CXXC5: variants seen among roughly 807,000 people sequenced by gnomAD.
CXXC5 encodes the protein CXXC-type zinc finger protein 5.
A neutral mutation model predicts 17.6 loss-of-function variants in CXXC5; 2 were observed. That is an observed-to-expected ratio of 0.11 (90% CI 0.05 to 0.36). The LOEUF (loss-of-function observed/expected upper bound fraction) is 0.36. Ranked by LOEUF, CXXC5 falls within the 10% of genes least tolerant of loss-of-function variation. The pLI is 1.00. For missense variants in CXXC5, 343 were observed against 458.3 expected (o/e 0.75, Z 2.30); for synonymous variants, 171 against 193.0 (o/e 0.89, Z 0.94).
chr5:139,664,782 G>A (rs1756008494), intron 1 of CXXC5, among the ~76,000 whole-genome samples: 1 of 152,156 alleles, frequency 6.6e-6, no homozygotes. Flanking sequence ...CTAGAGTTGG[G>A]CCAGCCTTCT....
intron 1 of CXXC5, among the ~76,000 whole-genome samples, chr5:139,677,939 A>G (rs889475367): frequency 6.6e-6 from 1 of 152,204 alleles, no homozygotes; most frequent in Non-Finnish European, 1.5e-5. Flanking sequence ...AGCTGGGAGG[A>G]GGGAGGGGGT....
intron 1 of CXXC5, among the ~76,000 whole-genome samples, chr5:139,675,895 C>T (rs973195479): frequency 6.6e-6 from 1 of 152,106 alleles, no homozygotes; most frequent in Non-Finnish European, 1.5e-5. Flanking sequence ...AGTGGCAACA[C>T]AGGTGGTGGG....
In CXXC5 at chr5:139,658,287, T is replaced by C. The variant is rs1755600438; in HGVS notation, c.-161+9442T>C. Among the ~76,000 whole-genome samples the C allele has an allele frequency of 6.6e-6, 1 of 152,188 alleles. No individual in the cohort carries two copies. Among genetic ancestry groups the C allele is most frequent in the Non-Finnish European group, 1.5e-5 (1 of 68,034 alleles). On this transcript the variant is annotated intron_variant, in intron 1 of 2. Transcript: ENST00000302517. The surrounding 1 kb of genome is among the most constrained non-coding windows in gnomAD (Gnocchi z 4.1). The stretch of plus-strand genomic sequence containing the variant: ...ATAGAATGCTTGGAATGGAGGCATT[T>C]TTCAAGTCAGGATTCTCGTTGGGAT...
At chr5:139,666,619 C>T (rs1581594551) in intron 1 of CXXC5, among the ~76,000 whole-genome samples, 1 of 152,234 alleles carries the variant, frequency 6.6e-6, no homozygotes, top group South Asian at 2.1e-4. Context: ...CGTGGGCGCT[C>T]CTGAGCTATG....
rs907969066 is a variant in CXXC5, at chr5:139,672,196, C to T, written c.-160-8168C>T. 3.9e-5 allele frequency among the ~76,000 whole-genome samples: 6 copies of T among 152,322 alleles called. No individual in the cohort carries two copies. In the East Asian group the frequency reaches 1.2e-3, roughly 29 times the overall value. On this transcript the variant is annotated intron_variant, in intron 1 of 2. Coordinates refer to ENST00000302517, the MANE Select transcript of CXXC5 (RefSeq NM_016463.9). ...GCAATGGCGTGATCTTGGCTCACTG[C>T]AACCTCTGCCTCCCAGGTTCAGGCA...
intron 1 of CXXC5, among the ~76,000 whole-genome samples, chr5:139,672,099 TTTTA>T (rs1040824794): frequency 2.0e-4 from 30 of 152,180 alleles, no homozygotes; most frequent in Non-Finnish European, 3.5e-4. Context: ...GTTTATTTTT[TTTTA>T]TTTATTTGTT....
At chr5:139,676,104 C>T (rs1242486488) in intron 1 of CXXC5, among the ~76,000 whole-genome samples, 1 of 151,440 alleles carries the variant, frequency 6.6e-6, no homozygotes, top group Admixed American at 6.6e-5. Flanking sequence ...CATTACCCCC[C>T]ACCTCCTCCT....
intron 1 of CXXC5, among the ~76,000 whole-genome samples, chr5:139,659,950 G>A (rs567194165): frequency 2.0e-5 from 3 of 152,216 alleles, no homozygotes; most frequent in African/African-American, 4.8e-5. Context: ...GCGGGTGCCC[G>A]CGCAGCCAAG....
In CXXC5 at chr5:139,680,979, G is replaced by A. The variant is rs780847835; in HGVS notation, c.456G>A (p.Thr152=). The change falls in exon 2 of 3, where the codon ACG becomes ACA. Residue 152 remains threonine, a synonymous_variant. Transcript: ENST00000302517. ...ASLLSKAERA[T]ELAAEGQLTL... is the part of the protein sequence containing the mutation. ...TGCTGAGCAAGGCAGAGCGGGCCAC[G>A]GAGCTGGCAGCCGAGGGACAGCTGA... The A allele has an allele frequency of 6.2e-6, 10 of 1,602,726 alleles. No individual in the cohort carries two copies. The highest frequency in any genetic ancestry group is 5.5e-5 in the South Asian group (5 of 91,082).
intron 2 of CXXC5, among the ~76,000 whole-genome samples, 179 bp downstream of exon 2, chr5:139,681,626 A>C (rs1320978252): frequency 6.6e-6 from 1 of 152,192 alleles, no homozygotes; most frequent in Non-Finnish European, 1.5e-5. Context: ...CAAAAGTCAG[A>C]GCCACATTCT....
At chr5:139,672,500 T>C (rs1480739109) in intron 1 of CXXC5, among the ~76,000 whole-genome samples, 2 of 152,222 alleles carry the variant, frequency 1.3e-5, no homozygotes, top group Non-Finnish European at 2.9e-5. Flanking sequence ...GTCTCACCTC[T>C]TCTACGGTTC....
rs762153955 is a variant in CXXC5 at position 139,682,937 on chromosome 5, G to A, written c.*30G>A. 5.7e-6 allele frequency: 9 copies of A among 1,565,624 alleles called. No individual in the cohort carries two copies. The highest frequency in any genetic ancestry group is 1.8e-5 in the Admixed American group (1 of 54,756). On this transcript the variant is annotated 3_prime_UTR_variant, in exon 3 of 3. Transcript: ENST00000302517. ...GGCGGAACCCAAAGCTGCCCTCTCC[G>A]TGCAATGTCACTGCTCGTGTGGTCT...
chr5:139,671,657 C>G (rs939752454), intron 1 of CXXC5, among the ~76,000 whole-genome samples: 1 of 152,230 alleles, frequency 6.6e-6, no homozygotes, highest in South Asian at 2.1e-4. Flanking sequence ...CCCAGCCTGC[C>G]CCGTCTGGCC....
chr5:139,672,558 C>T (rs1437105208), intron 1 of CXXC5, among the ~76,000 whole-genome samples: 4 of 152,216 alleles, frequency 2.6e-5, no homozygotes, highest in Non-Finnish European at 4.4e-5. Context: ...AAATCAGTTT[C>T]CTATCTGCAG....
At chr5:139,665,248 C>T (rs1756040418) in intron 1 of CXXC5, among the ~76,000 whole-genome samples, 1 of 152,272 alleles carries the variant, frequency 6.6e-6, no homozygotes, top group South Asian at 2.1e-4. Flanking sequence ...AATCTCAGCC[C>T]CTTTGGGAAA....
intron 1 of CXXC5, among the ~76,000 whole-genome samples, chr5:139,660,273 C>T (rs1755720535): frequency 6.6e-6 from 1 of 152,178 alleles, no homozygotes; most frequent in Non-Finnish European, 1.5e-5. Context: ...GAGTGTGGAG[C>T]CAGGCAGGAA....
At chr5:139,664,970 T>C (rs899737493) in intron 1 of CXXC5, among the ~76,000 whole-genome samples, 3 of 152,200 alleles carry the variant, frequency 2.0e-5, no homozygotes, top group African/African-American at 7.2e-5. Context: ...ACAGAACTGA[T>C]AGAGTGTGGT....
chr5:139,681,524 C>T lies in CXXC5; in HGVS notation c.924+77C>T, dbSNP rs73790943. 7.1e-3 allele frequency: 10,612 copies of T among 1,491,522 alleles called. 711 individuals carry two copies. The African/African-American group carries it at 0.13, about 19-fold the overall frequency. 92.4% of individuals were successfully genotyped at this position (1,491,522 alleles called of 1,614,324 possible). A position where few individuals can be genotyped will look rare whatever the true frequency, so the allele number is the denominator to read the frequency against. ...CCAAACCCACCCCCATCCCCTGACC[C>T]CACTTTTCCTACCTGGGCAAGTGTC... On this transcript the variant is annotated intron_variant, in intron 2 of 2. Coordinates refer to ENST00000302517, the MANE Select transcript of CXXC5 (RefSeq NM_016463.9).
At chr5:139,652,163 C>CGCGCGT (rs1755235116) in intron 1 of CXXC5, among the ~76,000 whole-genome samples, 1 of 139,814 alleles carries the variant, frequency 7.2e-6, no homozygotes, top group Non-Finnish European at 1.6e-5. Context: ...CGCGCGCGCG[C>CGCGCGT]GCGCGCGCGT....
Sources: gnomAD v4.1 joint callset for allele counts (sites outside exome capture counted in the v4.1 genomes callset) on GRCh38, gnomAD v4.1.1 for gene constraint, Gnocchi (gnomAD v3.1) non-coding constraint, MANE v1.5 for transcripts, NCBI Gene and HGNC (gene_info 2026-07-23, HGNC 2026-07-21) for gene names.